The following STK31 variants were observed in gnomAD, a reference collection of about 807,000 sequenced individuals.
STK31 encodes serine/threonine-protein kinase 31.
A neutral mutation model predicts 129.7 loss-of-function variants in STK31; 89 were observed. The ratio of observed to expected loss-of-function variants is 0.69; its 90% CI spans 0.58 to 0.82. STK31 has a LOEUF of 0.82. Ranked by LOEUF, STK31 falls within the 40% of genes least tolerant of loss-of-function variation. STK31 has a pLI of 0.00. For synonymous variants in STK31, 448 were observed against 395.3 expected (o/e 1.13, Z -1.58); for missense variants, 1,187 against 1,176.4 (o/e 1.01, Z -0.13).
At position 23,806,796 on chromosome 7, in the gene STK31, A is replaced by T. The variant is rs184021283; in HGVS notation, c.2761-8348A>T. 3.4e-3 allele frequency among the ~76,000 whole-genome samples: 498 copies of T among 148,440 alleles called. 5 individuals carry two copies. Among genetic ancestry groups the T allele is most frequent in the African/African-American group, 0.011 (454 of 40,704 alleles). On this transcript the variant is annotated intron_variant, in intron 22 of 23. Transcript: ENST00000355870. ...GCACCTGTAGTCCCAGCTACTGGGG[A>T]GGCTGAGGCAGGAGAATGGTGTGAA...
At chr7:23,771,934 C>A in intron 14 of STK31, 1 of 312,386 alleles carries the variant, frequency 3.2e-6, no homozygotes, top group Non-Finnish European at 5.8e-6. Flanking sequence ...GTCTTTGTTA[C>A]TTTGAGTGCT....
chr7:23,758,574 T>C (rs1013983276), intron 10 of STK31, among the ~76,000 whole-genome samples: 1 of 152,186 alleles, frequency 6.6e-6, no homozygotes, highest in Non-Finnish European at 1.5e-5. Flanking sequence ...GGTGTTGATA[T>C]GAGATCTTTC....
intron 4 of STK31, chr7:23,721,747 G>T (rs1305755857): frequency 4.1e-6 from 3 of 732,222 alleles, no homozygotes; most frequent in South Asian, 1.4e-5. Flanking sequence ...ACACAATAAG[G>T]ATATTTTTCC....
At chr7:23,756,539 G>A (rs1218389475) in intron 10 of STK31, among the ~76,000 whole-genome samples, 1 of 152,178 alleles carries the variant, frequency 6.6e-6, no homozygotes, top group African/African-American at 2.4e-5. Flanking sequence ...GTGGTGAATA[G>A]GAGTGGTGAG....
chr7:23,754,244 A>G, intron 9 of STK31, 71 bp from the exon 10 acceptor site: 1 of 1,516,422 alleles, frequency 6.6e-7, no homozygotes, highest in Non-Finnish European at 8.9e-7. Flanking sequence ...CATTACTATT[A>G]AAGTGTAACT....
At chr7:23,735,414 C>A in intron 6 of STK31, 124 bp from the exon 7 acceptor site, 1 of 821,966 alleles carries the variant, frequency 1.2e-6, no homozygotes, top group Non-Finnish European at 1.9e-6. Context: ...ATATTATAGC[C>A]AACAGCAAAG....
chr7:23,820,464 G>A (rs1045897467), intron 23 of STK31, among the ~76,000 whole-genome samples: 1 of 152,174 alleles, frequency 6.6e-6, no homozygotes, highest in Admixed American at 6.5e-5. Context: ...TGTATGGAAT[G>A]TGTTAATGAC....
At chr7:23,782,792 G>T (rs918593021) in intron 16 of STK31, among the ~76,000 whole-genome samples, 2 of 152,132 alleles carry the variant, frequency 1.3e-5, no homozygotes, top group African/African-American at 4.8e-5. Context: ...ATTTTAAAAT[G>T]TCACTGTGTT....
At chr7:23,783,226 T>A (rs530127633) in intron 16 of STK31, among the ~76,000 whole-genome samples, 3 of 152,310 alleles carry the variant, frequency 2.0e-5, no homozygotes, top group Admixed American at 2.0e-4. Flanking sequence ...TAGCAGTCTG[T>A]AAGTGGTTGA....
chr7:23,832,338 G>A lies in STK31; in HGVS notation c.3032G>A (p.Arg1011Lys). The A allele has an allele frequency of 6.2e-7, 1 of 1,611,042 alleles. No homozygotes were observed. Reference sequence around the variant, plus strand: ...TTGGATAAATGTATGGAGAAGACAAGAAATGGTGAAGCCAACTTTGATTGT... The same window carrying A: ...TTGGATAAATGTATGGAGAAGACAAAAAATGGTGAAGCCAACTTTGATTGT... The part of the protein sequence containing the change: ...ENLDKCMEKT[R>K]NGEANFDC Residue 1011 changes from arginine (R) to lysine (K), a missense_variant, in exon 24 of 24, where the codon AGA (arginine) becomes AAA (lysine). Arg to Lys is a conservative substitution (Grantham distance 26, BLOSUM62 2). This residue lies in a region of STK31 where 975 missense variants were observed against 934.9 expected (regional missense o/e 1.04). Transcript: ENST00000355870.
At chr7:23,742,283 T>G (rs781447259) in intron 8 of STK31, among the ~76,000 whole-genome samples, 1 of 152,178 alleles carries the variant, frequency 6.6e-6, no homozygotes, top group Non-Finnish European at 1.5e-5. Flanking sequence ...TATGATCTAC[T>G]TATGTCTCAG....
chr7:23,827,466 C>T (rs1417142287), intron 23 of STK31, among the ~76,000 whole-genome samples: 1 of 152,086 alleles, frequency 6.6e-6, no homozygotes, highest in Non-Finnish European at 1.5e-5. Context: ...TTAAGGACTT[C>T]TCTGCATTGG....
chr7:23,773,771 T>A (rs1382727815), intron 15 of STK31, among the ~76,000 whole-genome samples: 1 of 151,882 alleles, frequency 6.6e-6, no homozygotes, highest in Non-Finnish European at 1.5e-5. Flanking sequence ...GTATGTTGCC[T>A]ATGTTGTTTT....
intron 3 of STK31, among the ~76,000 whole-genome samples, chr7:23,715,507 T>C (rs575916186): frequency 6.7e-6 from 1 of 150,148 alleles, no homozygotes; most frequent in African/African-American, 2.4e-5. Flanking sequence ...TGTTCCCAGC[T>C]ATGTGGGAGG....
intron 11 of STK31, among the ~76,000 whole-genome samples, chr7:23,763,659 G>A (rs1166213074): frequency 6.6e-6 from 1 of 151,890 alleles, no homozygotes; most frequent in African/African-American, 2.4e-5. Flanking sequence ...TCATTTTTAT[G>A]TACTGGTGTT....
rs79246287 is a variant in STK31 at position 23,792,163 on chromosome 7, A to G, written c.2760+1217A>G. Among the ~76,000 whole-genome samples the G allele has an allele frequency of 8.8e-3, 1,336 of 152,308 alleles. 24 individuals carry two copies. The highest frequency in any genetic ancestry group is 0.031 in the African/African-American group (1,297 of 41,566). ...GTAATAAGGTCAAAAAAAGAAATAAAAGTCATAGAGTTTGAAAATGAAGAA... is the reference window on the plus strand; with the variant it reads ...GTAATAAGGTCAAAAAAAGAAATAAGAGTCATAGAGTTTGAAAATGAAGAA... On this transcript the variant is annotated intron_variant, in intron 22 of 23. Transcript: ENST00000355870.
chr7:23,796,110 C>T (rs1791932361), intron 22 of STK31, among the ~76,000 whole-genome samples: 1 of 152,182 alleles, frequency 6.6e-6, no homozygotes, highest in Non-Finnish European at 1.5e-5. Context: ...GCTGTGTCCC[C>T]ACCCAAATCT....
Position 23,731,606 on chromosome 7 carries a change from A to G in STK31, c.483+2357A>G, listed in dbSNP as rs146283532. On this transcript the variant is annotated intron_variant, in intron 6 of 23. Transcript: ENST00000355870. ...AATACCTCCTTCCTTCCCCTTTTCC[A>G]GAAGGTGTCCTGGGCACTGAAATTC... Among the ~76,000 whole-genome samples, 8 of 152,300 alleles carry G rather than the reference A, an allele frequency of 5.3e-5. No homozygotes were observed. The East Asian group carries it at 1.4e-3, about 26-fold the overall frequency.
rs1791975462 is a variant in STK31 at position 23,796,635 on chromosome 7, A to G, written c.2760+5689A>G. Among the ~76,000 whole-genome samples, 10 of 152,308 alleles carry G rather than the reference A, an allele frequency of 6.6e-5. No individual in the cohort carries two copies. In the South Asian group the frequency reaches 1.9e-3, roughly 28 times the overall value. Reference sequence around the variant, plus strand: ...CACAGCCAGGATGCAGAACAGTTCCATAACCCTGAAAATTCCTGTGTGCCA... The same window carrying G: ...CACAGCCAGGATGCAGAACAGTTCCGTAACCCTGAAAATTCCTGTGTGCCA... On this transcript the variant is annotated intron_variant, in intron 22 of 23. Coordinates refer to ENST00000355870, the MANE Select transcript of STK31 (RefSeq NM_031414.5).
Sources: allele counts gnomAD v4.1 joint callset (sites outside exome capture counted in the v4.1 genomes callset), GRCh38; gene constraint gnomAD v4.1.1; regional missense constraint gnomAD v4.1.1; transcripts MANE v1.5; gene names NCBI Gene and HGNC (gene_info 2026-07-23, HGNC 2026-07-21).